Variants in GMPR observed in about 807,000 individuals in gnomAD.
GMPR encodes GMP reductase 1.
Under a neutral mutation model 38.4 loss-of-function variants are expected in GMPR, and 31 were observed. The observed-to-expected ratio is 0.81, with a 90% CI of 0.61 to 1.09. The LOEUF is 1.09. Ranked by LOEUF, GMPR falls within the 50% of genes least tolerant of loss-of-function variation. GMPR has a pLI of 0.00. For synonymous variants in GMPR, 162 were observed against 173.3 expected (o/e 0.93, Z 0.51); for missense variants, 468 against 453.7 (o/e 1.03, Z -0.29).
At chr6:16,287,516 A>G (rs1168622332) in intron 7 of GMPR, among the ~76,000 whole-genome samples, 3 of 152,166 alleles carry the variant, frequency 2.0e-5, no homozygotes, top group South Asian at 4.1e-4. Flanking sequence ...CAGTGGAGCG[A>G]GAGGGACCTT....
intron 7 of GMPR, 46 bp downstream of exon 7, chr6:16,285,881 G>A (rs1404353030): frequency 5.3e-6 from 8 of 1,495,876 alleles, no homozygotes; most frequent in East Asian, 2.3e-5. Context: ...AGGAAGGAGG[G>A]AGCTCCCTAC....
At chr6:16,269,257 A>G (rs915044782) in intron 4 of GMPR, among the ~76,000 whole-genome samples, 1 of 152,184 alleles carries the variant, frequency 6.6e-6, no homozygotes, top group Non-Finnish European at 1.5e-5. Flanking sequence ...CCCATTTTAT[A>G]GCAGGATAAA....
At position 16,274,471 on chromosome 6, in the gene GMPR, TATC is replaced by T; in HGVS notation, c.527_529del (p.Ile176del). The T allele has an allele frequency of 6.2e-7, 1 of 1,608,270 alleles. No individual in the cohort carries two copies. ...AAGAGCTTATTCTTTCCGGAGCAGA[TATC>T]ATCAAAGTGGGAGTTGGACCAGGTA... On this transcript the variant is annotated inframe_deletion, in exon 5 of 9. Coordinates refer to ENST00000259727, the MANE Select transcript of GMPR (RefSeq NM_006877.4).
At chr6:16,271,098 C>T (rs1432890853) in intron 4 of GMPR, among the ~76,000 whole-genome samples, 3 of 152,150 alleles carry the variant, frequency 2.0e-5, no homozygotes, top group Non-Finnish European at 4.4e-5. Flanking sequence ...CTATGGTGAG[C>T]TGACTTGAAT....
rs181311016 is a variant in GMPR at position 16,267,114 on chromosome 6, G to C, written c.466-7301G>C. Among the ~76,000 whole-genome samples the C allele has an allele frequency of 5.1e-3, 782 of 152,052 alleles. 6 individuals are homozygous for C. Among genetic ancestry groups the C allele is most frequent in the African/African-American group, 0.018 (751 of 41,486 alleles). The stretch of plus-strand genomic sequence containing the variant: ...CGCTGTGGCTCACGCCTGTAATCCC[G>C]GCACTTTGGGAGGCCGAGGTGGGCG... On this transcript the variant is annotated intron_variant, in intron 4 of 8. Coordinates refer to ENST00000259727, the MANE Select transcript of GMPR (RefSeq NM_006877.4).
chr6:16,284,597 A>C (rs1013033730), intron 6 of GMPR, among the ~76,000 whole-genome samples: 3 of 151,994 alleles, frequency 2.0e-5, no homozygotes, highest in East Asian at 3.9e-4. Context: ...GGCTTTCGTG[A>C]CTGTCCCCGT....
At chr6:16,280,126 C>T (rs776216845) in intron 6 of GMPR, among the ~76,000 whole-genome samples, 4 of 152,062 alleles carry the variant, frequency 2.6e-5, no homozygotes, top group East Asian at 1.9e-4. Flanking sequence ...GGAAGAGGTT[C>T]GGGGCTGGTG....
intron 7 of GMPR, 78 bp from the exon 8 acceptor site, chr6:16,290,384 C>G (rs574669855): frequency 9.2e-6 from 12 of 1,309,950 alleles, no homozygotes; most frequent in Non-Finnish European, 1.3e-5. Flanking sequence ...ACTGGGCAAG[C>G]ACTGGGATTT....
At chr6:16,277,742 C>A (rs1759499536) in intron 5 of GMPR, among the ~76,000 whole-genome samples, 1 of 152,148 alleles carries the variant, frequency 6.6e-6, no homozygotes, top group South Asian at 2.1e-4. Flanking sequence ...GAACAACTCC[C>A]CTGGGGCAGT....
In GMPR at chr6:16,285,806, C is replaced by T. The variant is rs768978971; in HGVS notation, c.668C>T (p.Thr223Met). The T allele has an allele frequency of 8.7e-6, 14 of 1,612,964 alleles. No homozygotes were observed. The highest frequency in any genetic ancestry group is 6.7e-5 in the African/African-American group (5 of 74,878). Residue 223 changes from threonine to methionine, a missense_variant, in exon 7 of 9, where the codon ACG becomes ATG. Physicochemically the swap from Thr to Met is moderately conservative, Grantham distance 81. Transcript: ENST00000259727. ...TCCTCTGTGAAGGATGGAGGCTGTA[C>T]GTGTCCAGGGGATGTCGCCAAAGCC... is the stretch of plus-strand genomic sequence containing the variant. ...KGHIISDGGC[T>M]CPGDVAKAFG... is the part of the protein sequence containing the mutation.
chr6:16,240,359 A>G (rs1581642998), intron 1 of GMPR, among the ~76,000 whole-genome samples: 2 of 152,280 alleles, frequency 1.3e-5, no homozygotes, highest in South Asian at 4.1e-4. Flanking sequence ...ACAAAGCAAG[A>G]CCTCAGCTCT....
At chr6:16,251,421 T>C (rs181538087) in intron 3 of GMPR, among the ~76,000 whole-genome samples, 1 of 152,162 alleles carries the variant, frequency 6.6e-6, no homozygotes, top group African/African-American at 2.4e-5. Flanking sequence ...AAATACAAAA[T>C]TAGCCGGGCG....
intron 1 of GMPR, among the ~76,000 whole-genome samples, chr6:16,245,764 A>G (rs190203601): frequency 2.0e-5 from 3 of 152,274 alleles, no homozygotes; most frequent in Admixed American, 6.5e-5. Context: ...TCGGAGGGAG[A>G]AGACAGTGCT....
At chr6:16,276,662 A>G (rs1019729888) in intron 5 of GMPR, among the ~76,000 whole-genome samples, 4 of 152,216 alleles carry the variant, frequency 2.6e-5, no homozygotes, top group African/African-American at 7.2e-5. Context: ...TCTGAGCCCA[A>G]TGCATGGGAG....
intron 4 of GMPR, among the ~76,000 whole-genome samples, chr6:16,255,205 G>T (rs1758950662): frequency 6.6e-6 from 1 of 151,974 alleles, no homozygotes; most frequent in Non-Finnish European, 1.5e-5. Context: ...TAGAGACGGG[G>T]TTGCACCATG....
intron 1 of GMPR, among the ~76,000 whole-genome samples, chr6:16,244,210 C>CTTTTTTTTTTTTTTTTTTTTTTAT: frequency 8.4e-6 from 1 of 118,758 alleles, no homozygotes; most frequent in Non-Finnish European, 1.8e-5. Flanking sequence ...TCTATTTGTA[C>CTTTTTTTTTTTTTTTTTTTTTTAT]TTTTTTTTTT....
At chr6:16,271,456 C>T (rs967139069) in intron 4 of GMPR, among the ~76,000 whole-genome samples, 1 of 152,138 alleles carries the variant, frequency 6.6e-6, no homozygotes, top group South Asian at 2.1e-4. Context: ...ATTGCACTCC[C>T]GTCTGGGAGA....
rs886078090 is a variant in GMPR at position 16,279,967 on chromosome 6, A to AG, written c.654+1078dup. Among the ~76,000 whole-genome samples, 41 of 152,268 alleles carry AG rather than the reference A, an allele frequency of 2.7e-4. 1 individual carries two copies. The highest frequency in any genetic ancestry group is 8.7e-4 in the African/African-American group (36 of 41,562). ...GACTGTGCTCTGCAGCAGGCTTGAG[A>AG]GCCATCTCCAGAATTGACTGACATT... On this transcript the variant is annotated intron_variant, in intron 6 of 8. Transcript: ENST00000259727.
chr6:16,295,371 C>T lies in GMPR; in HGVS notation c.*185C>T, dbSNP rs925430439. On this transcript the variant is annotated 3_prime_UTR_variant, in exon 9 of 9. Coordinates refer to ENST00000259727, the MANE Select transcript of GMPR (RefSeq NM_006877.4). ...CCCGCCTGCCTTCTCGGGGCCCAGA[C>T]GCAAGGCACCGATTGGGCCAACATC... 5 of 462,308 alleles carry T rather than the reference C, an allele frequency of 1.1e-5. No individual in the cohort carries two copies. The highest frequency in any genetic ancestry group is 3.6e-5 in the East Asian group (1 of 28,056). The allele number at this position is 462,308 out of a possible 1,614,324, so 28.6% of individuals were successfully genotyped here. A position where few individuals can be genotyped will look rare whatever the true frequency, so the allele number is the denominator to read the frequency against.
Sources: allele counts gnomAD v4.1 joint callset (sites outside exome capture counted in the v4.1 genomes callset), GRCh38; gene constraint gnomAD v4.1.1; transcripts MANE v1.5; gene names NCBI Gene and HGNC (gene_info 2026-07-23, HGNC 2026-07-21).